RNF14: variants seen among roughly 807,000 people sequenced by gnomAD.
The protein encoded by RNF14 is E3 ubiquitin-protein ligase RNF14.
RNF14 carries 26 observed loss-of-function variants against 52.6 expected under a neutral mutation model. The ratio of observed to expected loss-of-function variants is 0.49; its 90% CI spans 0.36 to 0.69. The LOEUF is 0.69. RNF14 is among the 30% of genes least tolerant of loss of function. RNF14 has a pLI of 0.00. For synonymous variants in RNF14, 194 were observed against 202.0 expected (o/e 0.96, Z 0.34); for missense variants, 404 against 560.4 (o/e 0.72, Z 2.82).
chr5:141,980,388 G>T (rs373659810), intron 6 of RNF14, 37 bp downstream of exon 6: 39 of 1,481,926 alleles, frequency 2.6e-5, no homozygotes, highest in Non-Finnish European at 3.1e-5. Flanking sequence ...CCCATCCCCA[G>T]TCTCTCCCTC....
At chr5:141,977,527 T>TCTAA in intron 4 of RNF14, among the ~76,000 whole-genome samples, 1 of 152,358 alleles carries the variant, frequency 6.6e-6, no homozygotes, top group East Asian at 1.9e-4. Context: ...TTCTCCAACA[T>TCTAA]TTGCCTTTCA....
chr5:141,984,969 A>G (rs1561559296), intron 8 of RNF14, 36 bp downstream of exon 8: 3 of 1,582,334 alleles, frequency 1.9e-6, no homozygotes, highest in East Asian at 2.3e-5. Context: ...CTCACCAGCA[A>G]TTTTTGGTAC....
chr5:141,956,626 G>A (rs1383640122), upstream of RNF14: 6 of 1,614,184 alleles, frequency 3.7e-6, 1 homozygote, highest in South Asian at 5.5e-5. Context: ...CAACATGTAT[G>A]TGTTGCCATT....
chr5:141,974,711 T>C, intron 3 of RNF14, 93 bp from the exon 4 acceptor site: 1 of 1,217,684 alleles, frequency 8.2e-7, no homozygotes. Flanking sequence ...TTCCCTCAAC[T>C]AAAGCATTAA....
At chr5:141,962,948 C>T (rs1480861841), upstream of RNF14, 2 of 152,184 alleles carry the variant, frequency 1.3e-5, no homozygotes, top group Non-Finnish European at 2.9e-5. Context: ...CGAGAACCAC[C>T]TATTAGAAAT....
chr5:141,955,167 G>A (rs776363111), upstream of RNF14: 4 of 1,614,218 alleles, frequency 2.5e-6, no homozygotes, highest in Non-Finnish European at 3.4e-6. This position sits in a 1 kb window ranked among gnomAD's most constrained non-coding sequence, Gnocchi z 5.5. Flanking sequence ...CTTCCTCACT[G>A]CCCTGGTCTC....
chr5:141,966,840 CA>C (rs1753360535), upstream of RNF14: 1 of 152,364 alleles, frequency 6.6e-6, no homozygotes, highest in South Asian at 2.1e-4. Flanking sequence ...CTGGTTGGTG[CA>C]TGGGCTTCCT....
the RNF14 span, chr5:141,949,348 C>T: frequency 1.5e-5 from 22 of 1,497,074 alleles, no homozygotes; most frequent in Non-Finnish European, 1.8e-5. Flanking sequence ...AATGGCTTTT[C>T]CCTGCAGTGG....
chr5:141,974,317 G>A (rs181319260), intron 3 of RNF14, among the ~76,000 whole-genome samples: 79 of 152,198 alleles, frequency 5.2e-4, no homozygotes, highest in South Asian at 1.0e-3. Context: ...AGTGTTGTGT[G>A]CTATATTATA....
At chr5:141,987,188 G>A (rs905164157) in intron 8 of RNF14, among the ~76,000 whole-genome samples, 5 of 152,168 alleles carry the variant, frequency 3.3e-5, no homozygotes, top group African/African-American at 7.2e-5. Context: ...AGGGAGGGGG[G>A]TATGACCAGG....
upstream of RNF14, chr5:141,955,873 A>G (rs1753172827): frequency 6.2e-7 from 1 of 1,614,036 alleles, no homozygotes; most frequent in African/African-American, 1.3e-5. The surrounding 1 kb of genome is among the most constrained non-coding windows in gnomAD (Gnocchi z 5.5). Flanking sequence ...GGCATTGGTG[A>G]CATTGACGAA....
intron 4 of RNF14, among the ~76,000 whole-genome samples, chr5:141,975,511 T>A (rs975942396): frequency 6.6e-6 from 1 of 152,228 alleles, no homozygotes; most frequent in Admixed American, 6.5e-5. Context: ...CCTGTAGATA[T>A]CTCAGTAAGG....
chr5:141,951,459 C>G, the RNF14 span: 1 of 1,545,076 alleles, frequency 6.5e-7, no homozygotes, highest in Non-Finnish European at 8.9e-7. Flanking sequence ...CAGTAGGGGC[C>G]TTGAGATGCC....
chr5:141,986,440 A>T (rs1179222436), intron 8 of RNF14, among the ~76,000 whole-genome samples: 1 of 152,214 alleles, frequency 6.6e-6, no homozygotes, highest in African/African-American at 2.4e-5. Flanking sequence ...GATAGAATGG[A>T]GTGATGAGCA....
At chr5:141,960,538 G>T (rs1012994988) in intron 1 of RNF14, among the ~76,000 whole-genome samples, 7 of 152,178 alleles carry the variant, frequency 4.6e-5, no homozygotes, top group Non-Finnish European at 5.9e-5. Flanking sequence ...CATAAGCAGG[G>T]GTCCTCAGAT....
intron 8 of RNF14, among the ~76,000 whole-genome samples, chr5:141,985,620 G>A (rs921904662): frequency 3.3e-5 from 5 of 151,782 alleles, no homozygotes; most frequent in Non-Finnish European, 5.9e-5. Context: ...CAGTGGTGCC[G>A]TCTCGGCTCA....
intron 5 of RNF14, 28 bp from the exon 6 acceptor site, chr5:141,980,095 A>G: frequency 6.3e-7 from 1 of 1,587,364 alleles, no homozygotes; most frequent in Non-Finnish European, 8.7e-7. Flanking sequence ...GAATCATCAA[A>G]CCTATGGTGT....
chr5:141,966,282 G>A (rs899886923), upstream of RNF14, among the ~76,000 whole-genome samples: 2 of 152,050 alleles, frequency 1.3e-5, no homozygotes, highest in African/African-American at 4.8e-5. Flanking sequence ...GTGAGACTCG[G>A]TCTCAAAAAC....
chr5:141,954,246 G>T (rs185838961), upstream of RNF14, among the ~76,000 whole-genome samples: 2 of 152,286 alleles, frequency 1.3e-5, no homozygotes, highest in South Asian at 2.1e-4. Context: ...TGCCCCATCC[G>T]CAGGCCCAGC....
Sources: allele counts gnomAD v4.1 joint callset (sites outside exome capture counted in the v4.1 genomes callset), GRCh38; gene constraint gnomAD v4.1.1; non-coding constraint Gnocchi (gnomAD v3.1); transcripts MANE v1.5; gene names NCBI Gene and HGNC (gene_info 2026-07-23, HGNC 2026-07-21).